FAM149B1: variants seen among roughly 807,000 people sequenced by gnomAD.
The protein encoded by FAM149B1 is primary cilium assembly protein FAM149B1.
In FAM149B1, 56 loss-of-function variants were observed where a neutral mutation model predicts 75.3. The observed-to-expected ratio is 0.74, with a 90% CI of 0.60 to 0.93. The LOEUF is 0.93. Ranked by LOEUF, FAM149B1 falls within the 40% of genes least tolerant of loss-of-function variation. The pLI is 0.00. For missense variants in FAM149B1, 639 were observed against 708.4 expected, an observed-to-expected ratio of 0.90 and a Z score of 1.11; for synonymous variants, 259 against 256.1, an observed-to-expected ratio of 1.01 and a Z score of -0.11.
chr10:73,170,279 G>A (rs537349544), intron 1 of FAM149B1, among the ~76,000 whole-genome samples: 7 of 152,166 alleles, frequency 4.6e-5, no homozygotes, highest in African/African-American at 1.7e-4. Flanking sequence ...CAAGGTGGGC[G>A]ATTGCCTGAG....
At chr10:73,172,598 G>A (rs557325210) in intron 1 of FAM149B1, among the ~76,000 whole-genome samples, 6 of 152,278 alleles carry the variant, frequency 3.9e-5, no homozygotes, top group African/African-American at 1.2e-4. Context: ...GTTCCTGAAT[G>A]TATTTGACTA....
At chr10:73,237,704 G>A (rs533921606) in intron 12 of FAM149B1, among the ~76,000 whole-genome samples, 12 of 152,102 alleles carry the variant, frequency 7.9e-5, no homozygotes, top group Non-Finnish European at 1.6e-4. Flanking sequence ...TTACAGGCGT[G>A]AGCCACCGCT....
At chr10:73,168,440 A>C in intron 1 of FAM149B1, 54 bp downstream of exon 1, 1 of 1,537,318 alleles carries the variant, frequency 6.5e-7, no homozygotes, top group Non-Finnish European at 8.8e-7. Context: ...CGCTCTGGGG[A>C]CCCTCCTTGA....
At chr10:73,225,801 A>C (rs2043528308) in intron 7 of FAM149B1, among the ~76,000 whole-genome samples, 2 of 152,202 alleles carry the variant, frequency 1.3e-5, no homozygotes, top group Admixed American at 1.3e-4. Flanking sequence ...TATCTTTTGT[A>C]CCATAATTTT....
At chr10:73,236,467 G>A (rs1264101395) in intron 12 of FAM149B1, among the ~76,000 whole-genome samples, 1 of 148,812 alleles carries the variant, frequency 6.7e-6, no homozygotes, top group Non-Finnish European at 1.5e-5. Context: ...AGGGTGGAGT[G>A]TAATGGCGCA....
intron 3 of FAM149B1, among the ~76,000 whole-genome samples, chr10:73,178,738 A>G (rs1844081380): frequency 6.6e-6 from 1 of 152,206 alleles, no homozygotes; most frequent in Non-Finnish European, 1.5e-5. Context: ...TTTTATATAA[A>G]TTCTGCCTAT....
intron 5 of FAM149B1, among the ~76,000 whole-genome samples, chr10:73,204,771 C>CTTTTTTT (rs772508767): frequency 1.4e-4 from 13 of 92,940 alleles, no homozygotes; most frequent in African/African-American, 2.7e-4. Flanking sequence ...TGTGATTATT[C>CTTTTTTT]TTTTTTTTTT....
At chr10:73,207,767 A>T (rs1024708108) in intron 5 of FAM149B1, among the ~76,000 whole-genome samples, 1 of 152,134 alleles carries the variant, frequency 6.6e-6, no homozygotes, top group Non-Finnish European at 1.5e-5. Flanking sequence ...TTGAACTTGC[A>T]TGGGATCTGT....
At chr10:73,217,367 T>C (rs1365801210) in intron 7 of FAM149B1, among the ~76,000 whole-genome samples, 4 of 152,194 alleles carry the variant, frequency 2.6e-5, no homozygotes, top group African/African-American at 4.8e-5. Context: ...GAATTGTTTA[T>C]GTAGGTTTTC....
rs1314445081 is a variant in FAM149B1 at position 73,243,862 on chromosome 10, C to G, written c.*2843C>G. The G allele has an allele frequency of 6.2e-7, 1 of 1,613,826 alleles. No homozygotes were observed. Among genetic ancestry groups the G allele is most frequent in the Admixed American group, 1.7e-5 (1 of 59,972 alleles). Reference sequence around the variant, plus strand: ...GTTTACCTGAATGGCTGCCTTCAGGCTATCCACGCCTTCATCAAGCCCCAA... The same window carrying G: ...GTTTACCTGAATGGCTGCCTTCAGGGTATCCACGCCTTCATCAAGCCCCAA... On this transcript the variant is annotated 3_prime_UTR_variant, in exon 14 of 14. Coordinates refer to ENST00000242505, the MANE Select transcript of FAM149B1 (RefSeq NM_173348.2).
intron 7 of FAM149B1, among the ~76,000 whole-genome samples, chr10:73,220,528 GATGA>G (rs1192328908): frequency 6.6e-6 from 1 of 152,160 alleles, no homozygotes; most frequent in Non-Finnish European, 1.5e-5. Context: ...TCCATCAGCT[GATGA>G]ATGAACAAAA....
chr10:73,233,497 A>G (rs2043757775), intron 10 of FAM149B1, among the ~76,000 whole-genome samples: 1 of 152,028 alleles, frequency 6.6e-6, no homozygotes, highest in Non-Finnish European at 1.5e-5. Flanking sequence ...TGGTGCCACC[A>G]TGCCAGGTTA....
At position 73,174,671 on chromosome 10, in the gene FAM149B1, GT is replaced by G. The variant is rs1414543876; in HGVS notation, c.48-12del. 6.6e-7 allele frequency: 1 copy of G among 1,507,602 alleles called. No homozygotes were observed. The highest frequency in any genetic ancestry group is 9.0e-7 in the Non-Finnish European group (1 of 1,110,322). The allele number at this position is 1,507,602 out of a possible 1,614,324, so 93.4% of individuals were successfully genotyped here. A position where few individuals can be genotyped will look rare whatever the true frequency, so the allele number is the denominator to read the frequency against. Reference sequence around the variant, plus strand: ...TTTTTTATACAGGAAATATAACTTTGTTTTGTCTTTCACAGGAAAGGAATAA... The same window carrying G: ...TTTTTTATACAGGAAATATAACTTTGTTTGTCTTTCACAGGAAAGGAATAA... On this transcript the variant is annotated splice_polypyrimidine_tract_variant and intron_variant, in intron 1 of 13. Coordinates refer to ENST00000242505, the MANE Select transcript of FAM149B1 (RefSeq NM_173348.2).
chr10:73,184,209 T>G (rs115656119), intron 3 of FAM149B1, among the ~76,000 whole-genome samples: 3 of 151,612 alleles, frequency 2.0e-5, no homozygotes, highest in African/African-American at 7.3e-5. Context: ...AAAATAAACT[T>G]TAAAAGAAAA....
chr10:73,228,681 T>A lies in FAM149B1; in HGVS notation c.1023+497T>A, dbSNP rs144871798. Among the ~76,000 whole-genome samples the A allele has an allele frequency of 2.2e-3, 333 of 152,224 alleles. 7 individuals are homozygous for A. Among genetic ancestry groups the A allele is most frequent in the African/African-American group, 7.2e-3 (299 of 41,544 alleles). On this transcript the variant is annotated intron_variant, in intron 8 of 13. Transcript: ENST00000242505. ...GGCATGATCTCGGCTCACTGCAACC[T>A]CCGCCTCCCAGGTTCAACCAGTTCT...
At chr10:73,230,247 C>T (rs1278704577) in intron 8 of FAM149B1, 175 bp from the exon 9 acceptor site, 8 of 536,946 alleles carry the variant, frequency 1.5e-5, no homozygotes, top group Non-Finnish European at 2.3e-5. Context: ...GGGACCCTAT[C>T]ACATGGACAG....
At chr10:73,221,518 C>G (rs963784851) in intron 7 of FAM149B1, among the ~76,000 whole-genome samples, 1 of 152,018 alleles carries the variant, frequency 6.6e-6, no homozygotes, top group African/African-American at 2.4e-5. Context: ...TGTTGTCATC[C>G]TTATCTTTGT....
intron 9 of FAM149B1, among the ~76,000 whole-genome samples, chr10:73,231,898 TG>T (rs2043709671): frequency 2.0e-5 from 3 of 150,990 alleles, no homozygotes; most frequent in Admixed American, 1.3e-4. Flanking sequence ...CTAAACATTT[TG>T]TAATTAGAAA....
chr10:73,179,537 C>T (rs962240577), intron 3 of FAM149B1, among the ~76,000 whole-genome samples: 1 of 151,788 alleles, frequency 6.6e-6, no homozygotes, highest in African/African-American at 2.4e-5. Flanking sequence ...CCTCAGCCTC[C>T]TGAGTAGCTG....
Sources: allele counts gnomAD v4.1 joint callset (sites outside exome capture counted in the v4.1 genomes callset), GRCh38; gene constraint gnomAD v4.1.1; transcripts MANE v1.5; gene names NCBI Gene and HGNC (gene_info 2026-07-23, HGNC 2026-07-21).